MAPKAP1: variants seen among roughly 807,000 people sequenced by gnomAD.
MAPKAP1 encodes the protein MAPK associated protein 1.
In MAPKAP1, 20 loss-of-function variants were observed where a neutral mutation model predicts 65.7. The ratio of observed to expected loss-of-function variants is 0.30; its 90% CI spans 0.21 to 0.44. The LOEUF (loss-of-function observed/expected upper bound fraction) is 0.44. Among genes scored for constraint, MAPKAP1 ranks in the 20% least tolerant of loss-of-function variants. The pLI, the probability that MAPKAP1 is intolerant of heterozygous loss-of-function variation, is 1.00. For missense variants in MAPKAP1, 423 were observed against 648.0 expected, an observed-to-expected ratio of 0.65 and a Z score of 3.77; for synonymous variants, 222 against 244.3, an observed-to-expected ratio of 0.91 and a Z score of 0.85.
intron 9 of MAPKAP1, chr9:125,477,959 A>C (rs1202161237): frequency 6.6e-6 from 1 of 152,252 alleles, no homozygotes; most frequent in Non-Finnish European, 1.5e-5. Context: ...GGGAAAGCAG[A>C]CAAGATGAAA....
chr9:125,521,599 G>T, intron 7 of MAPKAP1: 1 of 1,479,458 alleles, frequency 6.8e-7, no homozygotes. Context: ...CACTGCAGAG[G>T]AATTTAGCTG....
At chr9:125,659,341 C>CAGCT (rs1450471464) in intron 3 of MAPKAP1, among the ~76,000 whole-genome samples, 1 of 152,198 alleles carries the variant, frequency 6.6e-6, no homozygotes, top group Non-Finnish European at 1.5e-5. Context: ...AGACTTCACA[C>CAGCT]AGCTGTTACC....
rs114105589 is a variant in MAPKAP1 at position 125,672,614 on chromosome 9, C to T, written c.-40G>A. On this transcript the variant is annotated 5_prime_UTR_variant, in exon 2 of 12. Transcript: ENST00000265960. The stretch of plus-strand genomic sequence containing the variant: ...AATTTCCTTAAAAGGCTATTTTCTC[C>T]TCTTCATATTGTTTCACGAGCTCAC... 383 of 1,605,234 alleles carry T rather than the reference C, an allele frequency of 2.4e-4. 3 individuals carry two copies. The African/African-American group carries it at 4.6e-3, about 19-fold the overall frequency.
intron 11 of MAPKAP1, among the ~76,000 whole-genome samples, chr9:125,440,640 T>C (rs1216935746): frequency 6.6e-6 from 1 of 152,146 alleles, no homozygotes; most frequent in Non-Finnish European, 1.5e-5. Flanking sequence ...GCTTCAACAC[T>C]GTCCCTCCCA....
At chr9:125,579,657 G>A (rs945481780) in intron 5 of MAPKAP1, among the ~76,000 whole-genome samples, 1 of 152,182 alleles carries the variant, frequency 6.6e-6, no homozygotes, top group Non-Finnish European at 1.5e-5. Flanking sequence ...CACTCTTCAT[G>A]TGCATCCAGC....
chr9:125,593,564 A>G (rs1832034564), intron 4 of MAPKAP1, among the ~76,000 whole-genome samples: 1 of 152,202 alleles, frequency 6.6e-6, no homozygotes, highest in Non-Finnish European at 1.5e-5. Flanking sequence ...TGAGAGGCTC[A>G]GGCAGGAGAA....
chr9:125,543,033 G>A (rs1830301973), intron 7 of MAPKAP1, 26 bp downstream of exon 7: 2 of 1,449,482 alleles, frequency 1.4e-6, no homozygotes, highest in Non-Finnish European at 9.7e-7. Context: ...TTCTACTACT[G>A]TGAGAATATG....
At chr9:125,442,356 G>A (rs1351591184) in intron 11 of MAPKAP1, among the ~76,000 whole-genome samples, 1 of 152,068 alleles carries the variant, frequency 6.6e-6, no homozygotes, top group Non-Finnish European at 1.5e-5. Context: ...TCTGCTTCGA[G>A]GGAGCATTTG....
chr9:125,639,742 G>A (rs1338413888), intron 4 of MAPKAP1, among the ~76,000 whole-genome samples: 2 of 152,148 alleles, frequency 1.3e-5, no homozygotes, highest in Non-Finnish European at 2.9e-5. Flanking sequence ...GAACACCTAG[G>A]AATTTTCCAG....
intron 1 of MAPKAP1, among the ~76,000 whole-genome samples, chr9:125,696,670 C>CTT (rs1207359460): frequency 6.6e-6 from 1 of 151,760 alleles, no homozygotes; most frequent in Non-Finnish European, 1.5e-5. Context: ...ACTTATGTAA[C>CTT]TGAGGACTTT....
At chr9:125,462,509 G>C (rs149987620) in intron 10 of MAPKAP1, among the ~76,000 whole-genome samples, 1 of 152,316 alleles carries the variant, frequency 6.6e-6, no homozygotes, top group Non-Finnish European at 1.5e-5. Flanking sequence ...CTGGGGCTAA[G>C]GTGGGATGCA....
intron 6 of MAPKAP1, among the ~76,000 whole-genome samples, chr9:125,557,550 C>T (rs1830771372): frequency 6.6e-6 from 1 of 152,122 alleles, no homozygotes; most frequent in Admixed American, 6.6e-5. Context: ...GATGTTTTTA[C>T]TCTGACCAAT....
chr9:125,659,330 T>C (rs1038399268), intron 3 of MAPKAP1, among the ~76,000 whole-genome samples: 3 of 152,188 alleles, frequency 2.0e-5, no homozygotes, highest in Non-Finnish European at 4.4e-5. Context: ...AAGTAATGTA[T>C]AGACTTCACA....
At chr9:125,702,642 A>C (rs1937539950) in intron 1 of MAPKAP1, among the ~76,000 whole-genome samples, 1 of 152,076 alleles carries the variant, frequency 6.6e-6, no homozygotes, top group East Asian at 1.9e-4. Context: ...ACTTGAGGTC[A>C]AGAGTTCAAG....
At chr9:125,499,020 C>T (rs976535902) in intron 8 of MAPKAP1, among the ~76,000 whole-genome samples, 1 of 152,180 alleles carries the variant, frequency 6.6e-6, no homozygotes, top group Non-Finnish European at 1.5e-5. Context: ...GTTCTACGAG[C>T]TGTATGATTA....
At chr9:125,699,894 T>C (rs1223548951) in intron 1 of MAPKAP1, among the ~76,000 whole-genome samples, 2 of 152,154 alleles carry the variant, frequency 1.3e-5, no homozygotes, top group African/African-American at 4.8e-5. Context: ...GGATTAAAGG[T>C]GTGAGCCAGC....
At chr9:125,566,561 TGAAAAAGAAAAA>T (rs72228008) in intron 5 of MAPKAP1, among the ~76,000 whole-genome samples, 11,488 of 147,732 alleles carry the variant, frequency 0.078, 894 homozygotes, top group African/African-American at 0.2. Flanking sequence ...GACACTGTCT[TGAAAAAGAAAAA>T]GAAAAAGAAA....
chr9:125,514,782 T>C (rs1250019008), intron 7 of MAPKAP1, among the ~76,000 whole-genome samples: 1 of 152,182 alleles, frequency 6.6e-6, no homozygotes, highest in Non-Finnish European at 1.5e-5. Context: ...GCTGGAGACT[T>C]ATGGCAGGAA....
At chr9:125,565,629 A>G in intron 5 of MAPKAP1, 1 of 388,046 alleles carries the variant, frequency 2.6e-6, no homozygotes, top group South Asian at 2.0e-5. Flanking sequence ...AAATCAGAGA[A>G]AAGGCGTTTA....
Sources: allele counts gnomAD v4.1 joint callset (sites outside exome capture counted in the v4.1 genomes callset), GRCh38; gene constraint gnomAD v4.1.1; transcripts MANE v1.5; gene names NCBI Gene and HGNC (gene_info 2026-07-23, HGNC 2026-07-21).